The following RIT2 variants were observed in gnomAD, a reference collection of about 807,000 sequenced individuals.
The protein encoded by RIT2 is GTP-binding protein Rit2.
RIT2 carries 24 observed loss-of-function variants against 23.7 expected under a neutral mutation model. That is an observed-to-expected ratio of 1.01 (90% CI 0.73 to 1.43). RIT2 has a LOEUF of 1.43. Ranked by LOEUF, RIT2 falls within the 40% of genes most tolerant of loss-of-function variation. The pLI, the probability that RIT2 is intolerant of heterozygous loss-of-function variation, is 0.00. For synonymous variants in RIT2, 107 were observed against 91.1 expected, an observed-to-expected ratio of 1.17 and a Z score of -0.99; for missense variants, 236 against 266.9, an observed-to-expected ratio of 0.88 and a Z score of 0.81.
chr18:42,858,623 C>T lies in RIT2; in HGVS notation c.426+64949G>A, dbSNP rs571364617. ...GGTTTTTATTATATTTAAAAAATTG[C>T]GCAAACCTCAACACTATGTAATTTT... On this transcript the variant is annotated intron_variant, in intron 4 of 4. Coordinates refer to ENST00000326695, the MANE Select transcript of RIT2 (RefSeq NM_002930.4). 3.9e-5 allele frequency among the ~76,000 whole-genome samples: 6 copies of T among 152,164 alleles called. No individual in the cohort carries two copies. The East Asian group carries it at 5.8e-4, about 15-fold the overall frequency.
At chr18:43,101,386 TC>T (rs1367594073) in intron 1 of RIT2, among the ~76,000 whole-genome samples, 1 of 152,180 alleles carries the variant, frequency 6.6e-6, no homozygotes, top group African/African-American at 2.4e-5. Flanking sequence ...TGTCTAATTA[TC>T]CAGACATAAA....
At chr18:42,814,213 T>C (rs895156060) in intron 4 of RIT2, among the ~76,000 whole-genome samples, 7 of 152,110 alleles carry the variant, frequency 4.6e-5, no homozygotes, top group African/African-American at 7.2e-5. Context: ...TCGAGAAGTC[T>C]CCTAGCCTGA....
At chr18:42,927,234 C>G (rs1176159802) in intron 3 of RIT2, among the ~76,000 whole-genome samples, 6 of 151,084 alleles carry the variant, frequency 4.0e-5, no homozygotes, top group Non-Finnish European at 1.5e-5. Flanking sequence ...TTTTTTTTCC[C>G]CAACAGAAAA....
chr18:42,867,651 G>T (rs1032599078), intron 4 of RIT2, among the ~76,000 whole-genome samples: 1 of 151,434 alleles, frequency 6.6e-6, no homozygotes, highest in Non-Finnish European at 1.5e-5. Context: ...AAAAATAGCC[G>T]AGTGTGGTGG....
At position 42,743,476 on chromosome 18, in the gene RIT2, A is replaced by T; in HGVS notation, c.*17T>A. ...TAATAAAATTCAGAGAGCGTGAGGA[A>T]CTCAAAAGCAAAGATATCATGTCAT... On this transcript the variant is annotated 3_prime_UTR_variant, in exon 5 of 5. Coordinates refer to ENST00000326695, the MANE Select transcript of RIT2 (RefSeq NM_002930.4). 1.3e-6 allele frequency: 2 copies of T among 1,558,372 alleles called. No individual in the cohort carries two copies. The highest frequency in any genetic ancestry group is 1.8e-6 in the Non-Finnish European group (2 of 1,130,828).
intron 2 of RIT2, among the ~76,000 whole-genome samples, chr18:42,990,912 G>GTA (rs566346967): frequency 3.8e-5 from 5 of 133,124 alleles, no homozygotes; most frequent in African/African-American, 1.1e-4. Context: ...CACTGGTTTT[G>GTA]TTTTTTTTTT....
intron 3 of RIT2, among the ~76,000 whole-genome samples, chr18:42,962,091 A>G (rs941057517): frequency 6.6e-6 from 1 of 152,234 alleles, no homozygotes; most frequent in East Asian, 1.9e-4. Flanking sequence ...AAGCACCGGT[A>G]GCTACGTAAG....
At chr18:42,762,988 C>T (rs1913337302) in intron 4 of RIT2, among the ~76,000 whole-genome samples, 1 of 152,148 alleles carries the variant, frequency 6.6e-6, no homozygotes, top group African/African-American at 2.4e-5. Context: ...ACATCATAGA[C>T]ACAAACTTAG....
At chr18:43,014,089 C>A (rs1911416148) in intron 2 of RIT2, among the ~76,000 whole-genome samples, 1 of 151,790 alleles carries the variant, frequency 6.6e-6, no homozygotes, top group Non-Finnish European at 1.5e-5. Context: ...TAGTCACTCA[C>A]AATCCAGGGG....
chr18:43,061,556 A>T (rs942128567), intron 1 of RIT2, among the ~76,000 whole-genome samples: 2 of 152,134 alleles, frequency 1.3e-5, no homozygotes, highest in Non-Finnish European at 2.9e-5. Context: ...CCAGTTCTGG[A>T]TAGAGTCCAT....
intron 3 of RIT2, among the ~76,000 whole-genome samples, chr18:42,944,041 C>T (rs543906994): frequency 1.3e-5 from 2 of 152,282 alleles, no homozygotes; most frequent in East Asian, 3.9e-4. Flanking sequence ...ATCAACACAA[C>T]ATTCAGAACA....
intron 2 of RIT2, among the ~76,000 whole-genome samples, chr18:43,011,557 TC>T (rs1233480697): frequency 1.3e-5 from 2 of 151,772 alleles, no homozygotes; most frequent in Non-Finnish European, 2.9e-5. Context: ...ATTATTAAAT[TC>T]TTAAAATTAT....
In RIT2 at chr18:42,929,034, G is replaced by GATATATATATATATATATATATATATAT. The variant is rs770619793; in HGVS notation, c.235-5272_235-5271insATATATATATATATATATATATATATAT. On this transcript the variant is annotated intron_variant, in intron 3 of 4. Coordinates refer to ENST00000326695, the MANE Select transcript of RIT2 (RefSeq NM_002930.4). ...ACATATACTAAAACTAAAATATGGA[G>GATATATATATATATATATATATATATAT]ATATATATATATATATATATATATT... 1.1e-3 allele frequency among the ~76,000 whole-genome samples: 103 copies of GATATATATATATATATATATATATATAT among 96,864 alleles called. 1 individual carries two copies. The highest frequency in any genetic ancestry group is 2.9e-3 in the Admixed American group (23 of 7,800). 63.5% of individuals were successfully genotyped at this position (96,864 alleles called of 152,430 possible). A position where few individuals can be genotyped will look rare whatever the true frequency, so the allele number is the denominator to read the frequency against.
intron 4 of RIT2, among the ~76,000 whole-genome samples, chr18:42,875,696 A>AAAAT (rs1259143701): frequency 6.6e-6 from 1 of 152,066 alleles, no homozygotes; most frequent in Non-Finnish European, 1.5e-5. Flanking sequence ...GAAAAAATGG[A>AAAAT]AAATATAATA....
rs924319116 is a variant in RIT2 at position 43,058,315 on chromosome 18, C to T, written c.104-24448G>A. 5.3e-5 allele frequency among the ~76,000 whole-genome samples: 8 copies of T among 152,094 alleles called. No individual in the cohort carries two copies. The East Asian group carries it at 1.4e-3, about 26-fold the overall frequency. On this transcript the variant is annotated intron_variant, in intron 1 of 4. Transcript: ENST00000326695. ...GCATGAGAAGCCCAGGTGTGAATTA[C>T]TATTCTTAGACATAAAGATTCTACA... is the stretch of plus-strand genomic sequence containing the variant.
intron 4 of RIT2, among the ~76,000 whole-genome samples, chr18:42,847,351 T>C (rs16977055): frequency 0.018 from 2,808 of 152,228 alleles, 94 homozygotes; most frequent in African/African-American, 0.064. Context: ...TTCCTGACTA[T>C]GCTATCTCCA....
intron 1 of RIT2, among the ~76,000 whole-genome samples, chr18:43,111,867 C>T (rs1282068507): frequency 6.6e-6 from 1 of 152,136 alleles, no homozygotes; most frequent in African/African-American, 2.4e-5. Context: ...ATGACCTTTG[C>T]AGGTCTCTTC....
chr18:42,980,827 T>C (rs1336719527), intron 2 of RIT2, among the ~76,000 whole-genome samples: 1 of 152,048 alleles, frequency 6.6e-6, no homozygotes, highest in African/African-American at 2.4e-5. Flanking sequence ...GACAAGCAGA[T>C]GGAGATGTAT....
intron 1 of RIT2, among the ~76,000 whole-genome samples, chr18:43,109,623 C>T (rs1913906903): frequency 6.6e-6 from 1 of 152,092 alleles, no homozygotes. Context: ...CTCTTATAGC[C>T]ACCCCTTATA....
Sources: allele counts gnomAD v4.1 joint callset (sites outside exome capture counted in the v4.1 genomes callset), GRCh38; gene constraint gnomAD v4.1.1; transcripts MANE v1.5; gene names NCBI Gene and HGNC (gene_info 2026-07-23, HGNC 2026-07-21).